TMEM144: variants seen among roughly 807,000 people sequenced by gnomAD.
The protein encoded by TMEM144 is transmembrane protein 144.
A neutral mutation model predicts 43.6 loss-of-function variants in TMEM144; 39 were observed. The ratio of observed to expected loss-of-function variants is 0.90; its 90% CI spans 0.69 to 1.17. The LOEUF is 1.17. TMEM144 is among the 50% of genes most tolerant of loss of function. TMEM144 has a pLI of 0.00. For synonymous variants in TMEM144, 154 were observed against 133.6 expected (o/e 1.15, Z -1.06); for missense variants, 417 against 411.9 (o/e 1.01, Z -0.11).
At chr4:158,226,574 A>G (rs777630164) in intron 6 of TMEM144, among the ~76,000 whole-genome samples, 1 of 152,124 alleles carries the variant, frequency 6.6e-6, no homozygotes, top group Non-Finnish European at 1.5e-5. Context: ...CCTTCTTATA[A>G]TTCTTTTATC....
At chr4:158,236,600 T>C (rs569120001) in intron 8 of TMEM144, among the ~76,000 whole-genome samples, 7 of 152,340 alleles carry the variant, frequency 4.6e-5, no homozygotes, top group African/African-American at 1.7e-4. Flanking sequence ...TATAGTACTA[T>C]TTAAATTGAC....
At position 158,232,993 on chromosome 4, in the gene TMEM144, T is replaced by C; in HGVS notation, c.495+11T>C. 1 of 1,549,472 alleles carries C rather than the reference T, an allele frequency of 6.5e-7. No homozygotes were observed. The highest frequency in any genetic ancestry group is 8.8e-7 in the Non-Finnish European group (1 of 1,138,164). On this transcript the variant is annotated intron_variant, in intron 7 of 12. Transcript: ENST00000296529. ...TTAATAACAGAGCATGTGAGTATAG[T>C]ATGAGAGACAACTTGATTTGAAACA...
intron 12 of TMEM144, among the ~76,000 whole-genome samples, chr4:158,246,911 C>G (rs973130943): frequency 6.6e-6 from 1 of 151,876 alleles, no homozygotes; most frequent in African/African-American, 2.4e-5. Flanking sequence ...TGAAAATCCT[C>G]TTAACTACAT....
At chr4:158,223,881 A>C (rs1734625190) in intron 6 of TMEM144, among the ~76,000 whole-genome samples, 2 of 152,224 alleles carry the variant, frequency 1.3e-5, no homozygotes, top group African/African-American at 4.8e-5. Flanking sequence ...ATACATGTGC[A>C]TGTGTCTTTA....
chr4:158,227,961 G>A (rs1293590075), intron 6 of TMEM144, among the ~76,000 whole-genome samples: 1 of 151,936 alleles, frequency 6.6e-6, no homozygotes, highest in Admixed American at 6.6e-5. Context: ...ATGCTTCTTC[G>A]AGGCAAAACA....
chr4:158,211,609 C>A (rs904437875), intron 2 of TMEM144, 35 bp downstream of exon 2: 5 of 152,172 alleles, frequency 3.3e-5, no homozygotes, highest in African/African-American at 1.2e-4. Flanking sequence ...CTCTTTGAGC[C>A]TAACAGTAGA....
intron 6 of TMEM144, among the ~76,000 whole-genome samples, chr4:158,222,576 T>G (rs1222584606): frequency 6.6e-6 from 1 of 152,244 alleles, no homozygotes; most frequent in Non-Finnish European, 1.5e-5. Flanking sequence ...CTTCCATTAT[T>G]GAAACTATCA....
chr4:158,215,601 A>C (rs530549126), intron 4 of TMEM144, among the ~76,000 whole-genome samples: 1 of 152,316 alleles, frequency 6.6e-6, no homozygotes, highest in East Asian at 1.9e-4. Flanking sequence ...AGCATAGCTC[A>C]TATATTATTT....
chr4:158,249,380 C>T (rs958801904), intron 12 of TMEM144, among the ~76,000 whole-genome samples: 1 of 152,120 alleles, frequency 6.6e-6, no homozygotes, highest in South Asian at 2.1e-4. Context: ...TAAGCTACTC[C>T]CTGGTGAAGA....
At chr4:158,210,942 T>C (rs1733929361) in intron 1 of TMEM144, 1 of 152,238 alleles carries the variant, frequency 6.6e-6, no homozygotes, top group Admixed American at 6.5e-5. Flanking sequence ...TAATATAGTT[T>C]GACAAAATAT....
At chr4:158,231,589 G>A (rs1446998622) in intron 6 of TMEM144, among the ~76,000 whole-genome samples, 1 of 152,098 alleles carries the variant, frequency 6.6e-6, no homozygotes, top group Non-Finnish European at 1.5e-5. Flanking sequence ...CTGGCCCAAG[G>A]GGAAGTTTTT....
chr4:158,249,502 C>A (rs17214599), intron 12 of TMEM144, among the ~76,000 whole-genome samples: 14,265 of 152,152 alleles, frequency 0.094, 765 homozygotes, highest in Middle Eastern at 0.13. Flanking sequence ...TGAAGGAAAA[C>A]CATTGCTGTT....
intron 5 of TMEM144, 136 bp from the exon 6 acceptor site, chr4:158,219,174 C>A: frequency 1.2e-6 from 1 of 833,992 alleles, no homozygotes; most frequent in Non-Finnish European, 1.9e-6. Context: ...AGATAATTAA[C>A]TTTCCCAAAG....
intron 12 of TMEM144, among the ~76,000 whole-genome samples, chr4:158,247,745 G>C (rs1276813496): frequency 1.3e-5 from 2 of 152,046 alleles, no homozygotes; most frequent in Admixed American, 1.3e-4. Flanking sequence ...AGAGGACATA[G>C]AAGATCAGAA....
At chr4:158,215,111 A>T (rs1331934762) in intron 3 of TMEM144, 80 bp from the exon 4 acceptor site, 2 of 1,582,280 alleles carry the variant, frequency 1.3e-6, no homozygotes, top group East Asian at 4.5e-5. Context: ...CATTCCTGTA[A>T]TATCACCTCA....
At chr4:158,249,669 T>C (rs148607964) in intron 12 of TMEM144, among the ~76,000 whole-genome samples, 2 of 152,358 alleles carry the variant, frequency 1.3e-5, no homozygotes, top group Non-Finnish European at 2.9e-5. Flanking sequence ...CGTAATTAGA[T>C]TGTAGAGTGC....
chr4:158,240,305 A>C lies in TMEM144; in HGVS notation c.689A>C (p.Asp230Ala), dbSNP rs373589399. The change falls in exon 10 of 13, where the codon GAC becomes GCC. Residue 230 changes from aspartate to alanine, a missense_variant. Asp to Ala is a moderately radical substitution (Grantham distance 126). Transcript: ENST00000296529. ...TTTTAATGTCTATTTTCAGATTTAG[A>C]CTATGTGTTTGCGCACTTCAGTGGC... ...IYAGASQYDL[D>A]YVFAHFSGIF... The C allele has an allele frequency of 1.9e-6, 3 of 1,610,696 alleles. No homozygotes were observed. Among genetic ancestry groups the C allele is most frequent in the Non-Finnish European group, 1.7e-6 (2 of 1,179,034 alleles).
At chr4:158,219,099 C>CCT (rs1486285089) in intron 5 of TMEM144, among the ~76,000 whole-genome samples, 1 of 151,974 alleles carries the variant, frequency 6.6e-6, no homozygotes, top group Non-Finnish European at 1.5e-5. Flanking sequence ...GATGACAGAG[C>CCT]AAGCCTCCAT....
chr4:158,235,317 C>A, intron 7 of TMEM144, 121 bp from the exon 8 acceptor site: 2 of 976,642 alleles, frequency 2.0e-6, no homozygotes, highest in Admixed American at 2.4e-5. Context: ...GCATAGGTGA[C>A]ATGTTTATTA....
Sources: allele counts gnomAD v4.1 joint callset (sites outside exome capture counted in the v4.1 genomes callset), GRCh38; gene constraint gnomAD v4.1.1; transcripts MANE v1.5; gene names NCBI Gene and HGNC (gene_info 2026-07-23, HGNC 2026-07-21).